Variants in AGPS observed in about 807,000 individuals in gnomAD.
AGPS encodes the protein alkylglycerone phosphate synthase, also known as alkyldihydroxyacetonephosphate synthase, peroxisomal.
Under a neutral mutation model 90.7 loss-of-function variants are expected in AGPS, and 26 were observed. That is an observed-to-expected ratio of 0.29 (90% CI 0.21 to 0.40). The LOEUF (loss-of-function observed/expected upper bound fraction) is 0.40, where lower values mean the gene tolerates loss of function less well. AGPS is among the 10% of genes least tolerant of loss of function. The pLI is 1.00. For missense variants in AGPS, 540 were observed against 816.1 expected (o/e 0.66, Z 4.12); for synonymous variants, 294 against 285.3 (o/e 1.03, Z -0.31).
intron 19 of AGPS, among the ~76,000 whole-genome samples, chr2:177,524,711 G>T (rs529010787): frequency 2.0e-5 from 3 of 151,172 alleles, no homozygotes; most frequent in East Asian, 3.9e-4. Context: ...TTAAAATTTT[G>T]TCTTCCTACT....
intron 1 of AGPS, among the ~76,000 whole-genome samples, chr2:177,397,406 A>C (rs1685211138): frequency 6.6e-6 from 1 of 151,524 alleles, no homozygotes; most frequent in Non-Finnish European, 1.5e-5. Context: ...AGATCCTTAA[A>C]AATCATAGTA....
intron 10 of AGPS, among the ~76,000 whole-genome samples, chr2:177,471,344 A>G (rs979369160): frequency 2.0e-5 from 3 of 152,118 alleles, no homozygotes; most frequent in Admixed American, 6.5e-5. Flanking sequence ...CATCCGACTA[A>G]GCTCTATACG....
chr2:177,483,550 C>A (rs964161156), intron 11 of AGPS, among the ~76,000 whole-genome samples: 1 of 152,072 alleles, frequency 6.6e-6, no homozygotes, highest in African/African-American at 2.4e-5. Flanking sequence ...GAAGTAGGGT[C>A]CTGGAATAAG....
At chr2:177,468,652 T>G (rs1687525745) in intron 10 of AGPS, 128 bp downstream of exon 10, 2 of 687,014 alleles carry the variant, frequency 2.9e-6, no homozygotes, top group East Asian at 2.8e-5. Flanking sequence ...TTTTAAATTT[T>G]TATCATTTTA....
At position 177,456,837 on chromosome 2, in the gene AGPS, C is replaced by T. The variant is rs914169874; in HGVS notation, c.871-5056C>T. Among the ~76,000 whole-genome samples, 8 of 152,096 alleles carry T rather than the reference C, an allele frequency of 5.3e-5. No homozygotes were observed. The South Asian group carries it at 8.3e-4, about 16-fold the overall frequency. Reference sequence around the variant, plus strand: ...GACTTGAACTCAGCTCTGGACCAAGCGGACCTAATAGACATCTACAGAACT... The same window carrying T: ...GACTTGAACTCAGCTCTGGACCAAGTGGACCTAATAGACATCTACAGAACT... On this transcript the variant is annotated intron_variant, in intron 8 of 19. Coordinates refer to ENST00000264167, the MANE Select transcript of AGPS (RefSeq NM_003659.4).
chr2:177,536,460 CT>C (rs1195075254), intron 19 of AGPS, among the ~76,000 whole-genome samples: 1 of 151,230 alleles, frequency 6.6e-6, no homozygotes, highest in Non-Finnish European at 1.5e-5. Flanking sequence ...TGATTTTTAA[CT>C]TTTTTAAAAA....
intron 10 of AGPS, among the ~76,000 whole-genome samples, chr2:177,478,251 AT>A (rs2105688735): frequency 6.6e-6 from 1 of 151,820 alleles, no homozygotes; most frequent in Admixed American, 6.6e-5. Flanking sequence ...TTGATGAGTC[AT>A]TTTTCTCTTG....
chr2:177,463,382 G>T (rs1687355573), intron 9 of AGPS, among the ~76,000 whole-genome samples: 1 of 152,166 alleles, frequency 6.6e-6, no homozygotes, highest in Admixed American at 6.5e-5. Context: ...TGTAGTAGGT[G>T]CTTCATAAAT....
At chr2:177,489,411 G>A (rs1381179475) in intron 11 of AGPS, among the ~76,000 whole-genome samples, 2 of 152,082 alleles carry the variant, frequency 1.3e-5, no homozygotes, top group African/African-American at 2.4e-5. Context: ...TAAAATGATA[G>A]GATTGAGAAA....
chr2:177,499,185 C>T (rs1250112294), intron 13 of AGPS, among the ~76,000 whole-genome samples: 2 of 151,666 alleles, frequency 1.3e-5, no homozygotes, highest in East Asian at 3.9e-4. Flanking sequence ...TGCATAAGAT[C>T]GCCTTTGAAA....
intron 8 of AGPS, among the ~76,000 whole-genome samples, chr2:177,447,347 A>C (rs1438419741): frequency 6.6e-6 from 1 of 152,164 alleles, no homozygotes; most frequent in Non-Finnish European, 1.5e-5. Context: ...AGTGTTAAAG[A>C]TCCTCAATAA....
intron 13 of AGPS, among the ~76,000 whole-genome samples, chr2:177,498,983 A>G (rs1688484354): frequency 1.3e-5 from 2 of 151,884 alleles, no homozygotes; most frequent in South Asian, 4.1e-4. Flanking sequence ...TCATCATTTT[A>G]GGAAGTTCAT....
intron 17 of AGPS, among the ~76,000 whole-genome samples, chr2:177,516,788 C>T (rs765961304): frequency 1.2e-4 from 18 of 152,098 alleles, no homozygotes; most frequent in Non-Finnish European, 1.9e-4. Context: ...TCTGCAAGTT[C>T]GTTTCATTCA....
In AGPS at chr2:177,503,432, T is replaced by C. The variant is rs562999750; in HGVS notation, c.1476-2074T>C. Among the ~76,000 whole-genome samples, 106 of 152,314 alleles carry C rather than the reference T, an allele frequency of 7.0e-4. No individual in the cohort carries two copies. In the Middle Eastern group the frequency reaches 0.01, roughly 15 times the overall value. On this transcript the variant is annotated intron_variant, in intron 14 of 19. Coordinates refer to ENST00000264167, the MANE Select transcript of AGPS (RefSeq NM_003659.4). ...GATTAGGTTCACCAGATGGCCCTTT[T>C]ATATAAAAAGATTGTCTCTCATTCC...
chr2:177,503,660 C>T (rs899899637), intron 14 of AGPS, among the ~76,000 whole-genome samples: 8 of 151,940 alleles, frequency 5.3e-5, no homozygotes, highest in Non-Finnish European at 4.4e-5. Context: ...ATTTTTAAGC[C>T]CTACTATTCT....
chr2:177,487,981 A>G (rs1688144310), intron 11 of AGPS, among the ~76,000 whole-genome samples: 1 of 152,114 alleles, frequency 6.6e-6, no homozygotes, highest in Non-Finnish European at 1.5e-5. Context: ...GCAACAATTG[A>G]CTTGTCAAAA....
At chr2:177,514,033 A>C in intron 17 of AGPS, 125 bp downstream of exon 17, 1 of 720,282 alleles carries the variant, frequency 1.4e-6, no homozygotes, top group Non-Finnish European at 2.4e-6. Context: ...CAGCTTTCCT[A>C]ACCTTCACTT....
At position 177,505,265 on chromosome 2, in the gene AGPS, CTTAT is replaced by C. The variant is rs148907081; in HGVS notation, c.1476-238_1476-235del. ...AATACTTGTGTGAAGATTATTTCAG[CTTAT>C]TTGTTTCTCATAGTTAATTCTTTCT... On this transcript the variant is annotated intron_variant, in intron 14 of 19. Coordinates refer to ENST00000264167, the MANE Select transcript of AGPS (RefSeq NM_003659.4). Among the ~76,000 whole-genome samples the C allele has an allele frequency of 4.5e-3, 679 of 151,946 alleles. 5 individuals are homozygous for C. The highest frequency in any genetic ancestry group is 0.016 in the African/African-American group (649 of 41,500).
intron 11 of AGPS, among the ~76,000 whole-genome samples, chr2:177,487,578 GA>G (rs1688132064): frequency 6.6e-6 from 1 of 152,246 alleles, no homozygotes; most frequent in South Asian, 2.1e-4. Flanking sequence ...AAATAAATTA[GA>G]AGGAGTCAGG....
Sources: gnomAD v4.1 joint callset for allele counts (sites outside exome capture counted in the v4.1 genomes callset) on GRCh38, gnomAD v4.1.1 for gene constraint, MANE v1.5 for transcripts, NCBI Gene and HGNC (gene_info 2026-07-23, HGNC 2026-07-21) for gene names.